ASXL3: variants seen among roughly 807,000 people sequenced by gnomAD.
ASXL3 encodes the protein ASXL transcriptional regulator 3.
A neutral mutation model predicts 170.6 loss-of-function variants in ASXL3; 34 were observed. That is an observed-to-expected ratio of 0.20 (90% CI 0.15 to 0.27). The LOEUF (loss-of-function observed/expected upper bound fraction) is 0.27. Ranked by LOEUF, ASXL3 falls within the 10% of genes least tolerant of loss-of-function variation. ASXL3 has a pLI of 1.00. For missense variants in ASXL3, 2,592 were observed against 2,695.3 expected, an observed-to-expected ratio of 0.96 and a Z score of 0.85; for synonymous variants, 1,002 against 989.1, an observed-to-expected ratio of 1.01 and a Z score of -0.24.
At chr18:33,683,217 C>T (rs2066541618) in intron 7 of ASXL3, among the ~76,000 whole-genome samples, 188 bp from the exon 8 acceptor site, 1 of 152,106 alleles carries the variant, frequency 6.6e-6, no homozygotes, top group Admixed American at 6.5e-5. Context: ...TAACTGAAGA[C>T]AGACAGACAC....
intron 2 of ASXL3, among the ~76,000 whole-genome samples, chr18:33,621,096 T>A (rs2065506223): frequency 1.3e-5 from 2 of 152,268 alleles, no homozygotes; most frequent in Non-Finnish European, 2.9e-5. Context: ...AAGACATGAA[T>A]GAGGTTTATC....
chr18:33,632,648 C>A (rs929182185), intron 2 of ASXL3, among the ~76,000 whole-genome samples: 4 of 152,132 alleles, frequency 2.6e-5, no homozygotes, highest in African/African-American at 9.7e-5. Flanking sequence ...CAAGAAAAAA[C>A]CAGCCTACTG....
intron 2 of ASXL3, among the ~76,000 whole-genome samples, chr18:33,620,775 T>C (rs941285997): frequency 1.3e-5 from 2 of 152,126 alleles, no homozygotes; most frequent in Non-Finnish European, 2.9e-5. Flanking sequence ...CTGGAGCAGA[T>C]AATTATTTAA....
At chr18:33,649,416 C>A (rs2065963335) in intron 4 of ASXL3, among the ~76,000 whole-genome samples, 1 of 151,920 alleles carries the variant, frequency 6.6e-6, no homozygotes, top group African/African-American at 2.4e-5. Flanking sequence ...AAAAGTAGTC[C>A]ATCAGTTAAG....
At chr18:33,722,868 A>T (rs2067285868) in intron 8 of ASXL3, among the ~76,000 whole-genome samples, 1 of 152,118 alleles carries the variant, frequency 6.6e-6, no homozygotes, top group Non-Finnish European at 1.5e-5. Context: ...GGTGGCTTTA[A>T]GTGGAAACCA....
At chr18:33,637,931 C>A (rs912029316) in intron 2 of ASXL3, among the ~76,000 whole-genome samples, 1 of 152,104 alleles carries the variant, frequency 6.6e-6, no homozygotes, top group African/African-American at 2.4e-5. Flanking sequence ...TCAGCTCAGC[C>A]TACATTTCTA....
chr18:33,608,045 C>G (rs950342035), intron 2 of ASXL3, among the ~76,000 whole-genome samples: 2 of 151,980 alleles, frequency 1.3e-5, no homozygotes, highest in African/African-American at 4.8e-5. Context: ...TAAAGATGAG[C>G]TCACTTTGAT....
intron 8 of ASXL3, among the ~76,000 whole-genome samples, chr18:33,730,141 G>GT (rs2067418745): frequency 6.6e-6 from 1 of 152,034 alleles, no homozygotes; most frequent in Admixed American, 6.6e-5. Flanking sequence ...GTTTGGAGAT[G>GT]TTTTTTGTTG....
intron 2 of ASXL3, among the ~76,000 whole-genome samples, chr18:33,611,703 G>A (rs558350602): frequency 6.6e-6 from 1 of 152,158 alleles, no homozygotes; most frequent in East Asian, 1.9e-4. Context: ...TTAGGGTGCT[G>A]CCATGGAATA....
intron 8 of ASXL3, among the ~76,000 whole-genome samples, chr18:33,684,103 G>T (rs565329123): frequency 3.9e-5 from 6 of 152,140 alleles, no homozygotes; most frequent in African/African-American, 1.4e-4. Context: ...TTTTTGAAAA[G>T]CTTCTAAAAT....
At chr18:33,641,412 G>A (rs546667450) in intron 2 of ASXL3, among the ~76,000 whole-genome samples, 2 of 152,080 alleles carry the variant, frequency 1.3e-5, no homozygotes, top group South Asian at 4.2e-4. Flanking sequence ...AAACAAACAA[G>A]TAGAATAAGC....
rs758158763 is a variant in ASXL3, at chr18:33,743,300, A to G, written c.3452A>G (p.Lys1151Arg). The G allele has an allele frequency of 2.0e-5, 33 of 1,613,812 alleles. No homozygotes were observed. Among genetic ancestry groups the G allele is most frequent in the Non-Finnish European group, 2.5e-5 (29 of 1,179,858 alleles). ...NLEVSSTPET[K>R]MEGSTGVIIV... ...GAAGTCTCTTCTACCCCTGAAACAA[A>G]AATGGAAGGTTCGACTGGTGTCATT... The change falls in exon 12 of 12, where the codon AAA becomes AGA. Residue 1151 changes from lysine to arginine, a missense_variant. Around this residue, in one of 4 missense-constraint regions of ASXL3, gnomAD observed 2,246 missense variants for 2,219.6 expected, o/e 1.01. Coordinates refer to ENST00000269197, the MANE Select transcript of ASXL3 (RefSeq NM_030632.3).
intron 8 of ASXL3, among the ~76,000 whole-genome samples, chr18:33,725,074 C>G (rs2067326518): frequency 6.6e-6 from 1 of 152,066 alleles, no homozygotes; most frequent in Non-Finnish European, 1.5e-5. Context: ...AGTCAATACT[C>G]TGGCTTTTAT....
At chr18:33,734,144 T>C (rs1796535079) in intron 9 of ASXL3, among the ~76,000 whole-genome samples, 166 bp from the exon 10 acceptor site, 1 of 59,338 alleles carries the variant, frequency 1.7e-5, no homozygotes. Flanking sequence ...TTTATGAACA[T>C]CTTGAGTGAT....
At chr18:33,665,592 TTAAAA>T (rs1335356172) in intron 5 of ASXL3, among the ~76,000 whole-genome samples, 1 of 152,202 alleles carries the variant, frequency 6.6e-6, no homozygotes, top group Admixed American at 6.5e-5. Context: ...TTTTTTGTTG[TTAAAA>T]TAAAGCAGGC....
At chr18:33,699,652 C>G (rs2066835908) in intron 8 of ASXL3, among the ~76,000 whole-genome samples, 1 of 152,038 alleles carries the variant, frequency 6.6e-6, no homozygotes, top group Non-Finnish European at 1.5e-5. Flanking sequence ...TTGCATAGAA[C>G]TCTTTCATGT....
At chr18:33,613,763 A>C (rs1016278918) in intron 2 of ASXL3, among the ~76,000 whole-genome samples, 2 of 152,072 alleles carry the variant, frequency 1.3e-5, no homozygotes, top group African/African-American at 2.4e-5. Flanking sequence ...TTCTATAAAA[A>C]ATAAAATATT....
Position 33,683,535 on chromosome 18 carries a change from C to T in ASXL3, c.846C>T (p.Tyr282=), listed in dbSNP as rs2066547146. 1 of 1,613,124 alleles carries T rather than the reference C, an allele frequency of 6.2e-7. No individual in the cohort carries two copies. The highest frequency in any genetic ancestry group is 8.5e-7 in the Non-Finnish European group (1 of 1,179,562). The part of the protein sequence containing the change: ...FASLPQHFQQ[Y]LLLLLPEVDR... ...CCTTACCTCAGCATTTTCAACAATA[C>T]CTCCTGCTTTTGCTCCCAGAAGTGG... The change falls in exon 8 of 12, where the codon TAC becomes TAT. Residue 282 remains tyrosine, a synonymous_variant. Coordinates refer to ENST00000269197, the MANE Select transcript of ASXL3 (RefSeq NM_030632.3).
intron 7 of ASXL3, among the ~76,000 whole-genome samples, chr18:33,683,140 C>G (rs557997482): frequency 2.6e-5 from 4 of 152,010 alleles, no homozygotes; most frequent in African/African-American, 9.7e-5. Context: ...TTTATTGGAA[C>G]CTGGTGCTAC....
Sources: allele counts gnomAD v4.1 joint callset (sites outside exome capture counted in the v4.1 genomes callset), GRCh38; gene constraint gnomAD v4.1.1; regional missense constraint gnomAD v4.1.1; transcripts MANE v1.5; gene names NCBI Gene and HGNC (gene_info 2026-07-23, HGNC 2026-07-21).